The following ELMO1 variants were observed in gnomAD, a reference collection of about 807,000 sequenced individuals.
ELMO1 encodes engulfment and cell motility 1, also known as engulfment and cell motility protein 1.
In ELMO1, 26 loss-of-function variants were observed where a neutral mutation model predicts 98.9. The observed-to-expected ratio is 0.26, with a 90% CI of 0.19 to 0.36. The LOEUF (loss-of-function observed/expected upper bound fraction) is 0.36, where lower values mean the gene tolerates loss of function less well. Among genes scored for constraint, ELMO1 ranks in the 10% least tolerant of loss-of-function variants. The pLI is 1.00. For synonymous variants in ELMO1, 346 were observed against 346.0 expected, an observed-to-expected ratio of 1.00 and a Z score of 0.00; for missense variants, 627 against 935.2, an observed-to-expected ratio of 0.67 and a Z score of 4.30.
rs138491563 is a variant in ELMO1, at chr7:37,412,246, G to A, written c.-74+36429C>T. ...AAAAATCACAGGAAGGAATGGATGG[G>A]TCCATGAAATGGCTTCCAGAGAGTT... On this transcript the variant is annotated intron_variant, in intron 1 of 21. Transcript: ENST00000310758. Among the ~76,000 whole-genome samples, 358 of 152,324 alleles carry A rather than the reference G, an allele frequency of 2.4e-3. 1 individual carries two copies. The highest frequency in any genetic ancestry group is 8.3e-3 in the African/African-American group (347 of 41,568).
intron 16 of ELMO1, among the ~76,000 whole-genome samples, chr7:36,960,783 GA>G (rs1788878302): frequency 6.6e-6 from 1 of 152,130 alleles, no homozygotes; most frequent in South Asian, 2.1e-4. Flanking sequence ...CCTTGAATTA[GA>G]TAAGACTTTG....
chr7:37,146,561 C>G (rs957047079), intron 13 of ELMO1, among the ~76,000 whole-genome samples: 2 of 152,172 alleles, frequency 1.3e-5, no homozygotes, highest in African/African-American at 4.8e-5. Flanking sequence ...GTTGCTTACA[C>G]ATTTGAATAA....
chr7:37,264,045 A>G (rs1204559253), intron 5 of ELMO1, among the ~76,000 whole-genome samples: 5 of 152,246 alleles, frequency 3.3e-5, no homozygotes, highest in African/African-American at 9.6e-5. Context: ...TATCATATAG[A>G]ACTACATATG....
chr7:37,383,669 T>C (rs1341541444), intron 1 of ELMO1, among the ~76,000 whole-genome samples: 1 of 152,262 alleles, frequency 6.6e-6, no homozygotes, highest in Admixed American at 6.5e-5. Flanking sequence ...TTATTCCTTC[T>C]ATTATTGGGT....
intron 14 of ELMO1, among the ~76,000 whole-genome samples, chr7:37,130,181 G>C (rs942012486): frequency 1.3e-5 from 2 of 152,044 alleles, no homozygotes; most frequent in African/African-American, 4.8e-5. Context: ...GAAACTGCCT[G>C]GTATTTGTCT....
At chr7:37,100,344 C>T (rs1784576121) in intron 14 of ELMO1, among the ~76,000 whole-genome samples, 1 of 152,168 alleles carries the variant, frequency 6.6e-6, no homozygotes, top group Non-Finnish European at 1.5e-5. Context: ...GACTTTACTT[C>T]CATAAATTCC....
chr7:37,304,071 CT>C (rs1023309381), intron 4 of ELMO1, among the ~76,000 whole-genome samples: 29 of 152,084 alleles, frequency 1.9e-4, no homozygotes, highest in African/African-American at 7.0e-4. Context: ...AGTATATATG[CT>C]TCCAAGTCCT....
rs781145378 is a variant in ELMO1 at position 37,096,626 on chromosome 7, G to A, written c.1293C>T (p.Gly431=). Residue 431 remains glycine (G), a synonymous_variant, in exon 15 of 22, where the codon GGC becomes GGT. Coordinates refer to ENST00000310758, the MANE Select transcript of ELMO1 (RefSeq NM_014800.11). ...TKMLCEILKV[G]ELPSETCNDF... ...GGAAATAAGTATACTTACGCAACTC[G>A]CCCACTTTCAAGATCTCACATAGCA... 2.2e-5 allele frequency: 35 copies of A among 1,613,810 alleles called. No individual in the cohort carries two copies. Among genetic ancestry groups the A allele is most frequent in the Non-Finnish European group, 2.6e-5 (31 of 1,179,796 alleles).
chr7:37,287,874 T>C (rs563099190), intron 4 of ELMO1, among the ~76,000 whole-genome samples: 170 of 152,332 alleles, frequency 1.1e-3, no homozygotes, highest in Non-Finnish European at 2.0e-3. Context: ...TGCAGGACTT[T>C]TCTGCTGGCT....
chr7:37,439,329 T>A (rs1805298311), intron 1 of ELMO1, among the ~76,000 whole-genome samples: 1 of 152,250 alleles, frequency 6.6e-6, no homozygotes, highest in Non-Finnish European at 1.5e-5. Flanking sequence ...CTATATTCCC[T>A]GGATGTATCA....
intron 16 of ELMO1, among the ~76,000 whole-genome samples, chr7:36,972,337 G>A (rs1050198138): frequency 6.6e-5 from 10 of 152,194 alleles, no homozygotes; most frequent in African/African-American, 2.4e-4. Context: ...AGAAGAAACA[G>A]AAGTCCCTGG....
intron 1 of ELMO1, among the ~76,000 whole-genome samples, chr7:37,397,084 A>G (rs1320822536): frequency 6.6e-6 from 1 of 152,272 alleles, no homozygotes; most frequent in Non-Finnish European, 1.5e-5. Flanking sequence ...TGGCTGGAAT[A>G]TAGACAGCCA....
intron 1 of ELMO1, among the ~76,000 whole-genome samples, chr7:37,414,757 C>T (rs1804143511): frequency 6.6e-6 from 1 of 152,206 alleles, no homozygotes; most frequent in Admixed American, 6.5e-5. Flanking sequence ...TTCTTACCAT[C>T]AAAGTCATTC....
chr7:37,043,320 C>T (rs557188363), intron 15 of ELMO1, among the ~76,000 whole-genome samples: 5 of 152,324 alleles, frequency 3.3e-5, no homozygotes, highest in Admixed American at 2.6e-4. Flanking sequence ...CGTCCCTGTG[C>T]CCCAAGCATC....
At chr7:37,355,383 A>C (rs1801458426) in intron 1 of ELMO1, among the ~76,000 whole-genome samples, 1 of 152,220 alleles carries the variant, frequency 6.6e-6, no homozygotes, top group South Asian at 2.1e-4. Flanking sequence ...AAACTGAGGA[A>C]ACACATCTGT....
chr7:37,305,344 G>A (rs771063943), intron 4 of ELMO1, among the ~76,000 whole-genome samples: 19 of 152,144 alleles, frequency 1.2e-4, no homozygotes, highest in South Asian at 6.2e-4. Context: ...GATCTGCATC[G>A]TGATGGTTAT....
At chr7:37,249,158 C>T (rs79301962) in intron 6 of ELMO1, among the ~76,000 whole-genome samples, 1,987 of 152,210 alleles carry the variant, frequency 0.013, 44 homozygotes, top group African/African-American at 0.046. Context: ...GTTTTCACAA[C>T]ATTCAGAAAA....
intron 13 of ELMO1, among the ~76,000 whole-genome samples, chr7:37,210,739 T>C (rs1792917175): frequency 6.6e-6 from 1 of 151,966 alleles, no homozygotes; most frequent in African/African-American, 2.4e-5. Flanking sequence ...AAAATTGAAA[T>C]CCAATTTTAC....
At chr7:37,416,477 C>T (rs985033008) in intron 1 of ELMO1, among the ~76,000 whole-genome samples, 2 of 152,172 alleles carry the variant, frequency 1.3e-5, no homozygotes, top group Non-Finnish European at 2.9e-5. Flanking sequence ...GGACCTATGG[C>T]CACCTCACCC....
Sources: gnomAD v4.1 joint callset for allele counts (sites outside exome capture counted in the v4.1 genomes callset) on GRCh38, gnomAD v4.1.1 for gene constraint, MANE v1.5 for transcripts, NCBI Gene and HGNC (gene_info 2026-07-23, HGNC 2026-07-21) for gene names.